IGSF5: variants seen among roughly 807,000 people sequenced by gnomAD.
IGSF5 encodes the protein immunoglobulin superfamily 5 like.
In IGSF5, 41 loss-of-function variants were observed where a neutral mutation model predicts 39.4. The observed-to-expected ratio is 1.04, with a 90% CI of 0.81 to 1.35. The LOEUF (loss-of-function observed/expected upper bound fraction) is 1.35, where lower values mean the gene tolerates loss of function less well. Ranked by LOEUF, IGSF5 falls within the 40% of genes most tolerant of loss-of-function variation. The probability of loss-of-function intolerance (pLI) is 0.00; values close to 1 mark genes in which losing one functional copy is unlikely to be tolerated. For missense variants in IGSF5, 487 were observed against 494.6 expected (o/e 0.98, Z 0.15); for synonymous variants, 183 against 175.3 (o/e 1.04, Z -0.34).
the IGSF5 span, among the ~76,000 whole-genome samples, chr21:39,734,066 C>T: frequency 6.6e-6 from 1 of 152,044 alleles, no homozygotes; most frequent in Non-Finnish European, 1.5e-5. Flanking sequence ...ACTATTCAAC[C>T]TAGTGGATGA....
rs930908426 is a variant in IGSF5 at position 39,764,313 on chromosome 21, T to G, written c.101-1222T>G. On this transcript the variant is annotated intron_variant, in intron 2 of 8. Coordinates refer to ENST00000380588, the MANE Select transcript of IGSF5 (RefSeq NM_001080444.2). ...CGGTGTGATTCCTCCCCAGAAACCT[T>G]TAGGGCTATAATGAGATTCTTTTAG... Among the ~76,000 whole-genome samples, 45 of 152,156 alleles carry G rather than the reference T, an allele frequency of 3.0e-4. 1 individual carries two copies. The highest frequency in any genetic ancestry group is 1.0e-3 in the African/African-American group (42 of 41,436).
Position 39,788,264 on chromosome 21 carries a change from G to A in IGSF5, c.956+76G>A, listed in dbSNP as rs752638386. 65 of 1,057,032 alleles carry A rather than the reference G, an allele frequency of 6.1e-5. 1 individual carries two copies. The Middle Eastern group carries it at 1.8e-3, about 30-fold the overall frequency. The allele number at this position is 1,057,032 out of a possible 1,614,324, so 65.5% of individuals were successfully genotyped here. ...ACAACAACAATAATAACAACAATAC[G>A]TACACACAACTGCGGGATTTTTGGA... On this transcript the variant is annotated intron_variant, in intron 6 of 8. Transcript: ENST00000380588.
chr21:39,734,364 A>T, the IGSF5 span, among the ~76,000 whole-genome samples: 3 of 144,242 alleles, frequency 2.1e-5, no homozygotes, highest in Non-Finnish European at 3.1e-5. Context: ...CGGAGGTTGT[A>T]GTGAGCCGAG....
chr21:39,730,777 G>C, the IGSF5 span: 2 of 152,116 alleles, frequency 1.3e-5, no homozygotes, highest in South Asian at 4.1e-4. Context: ...CTGTGCTTTG[G>C]GATTCATTTT....
chr21:39,723,528 G>A, the IGSF5 span, among the ~76,000 whole-genome samples: 2 of 152,174 alleles, frequency 1.3e-5, no homozygotes, highest in Non-Finnish European at 1.5e-5. Flanking sequence ...GATTACTGGA[G>A]GCAGGGATTA....
the IGSF5 span, among the ~76,000 whole-genome samples, chr21:39,719,392 T>C: frequency 1.3e-5 from 2 of 152,224 alleles, no homozygotes; most frequent in Non-Finnish European, 1.5e-5. Flanking sequence ...ATACATGATA[T>C]GTGCTCTCTG....
chr21:39,793,645 T>G (rs1357114250), intron 8 of IGSF5, 32 bp downstream of exon 8: 2 of 1,560,628 alleles, frequency 1.3e-6, no homozygotes, highest in East Asian at 4.5e-5. Flanking sequence ...CTTTTTGGAC[T>G]TTTTTGGCTA....
At chr21:39,737,397 A>G in the IGSF5 span, among the ~76,000 whole-genome samples, 1 of 152,116 alleles carries the variant, frequency 6.6e-6, no homozygotes, top group East Asian at 1.9e-4. Context: ...ACTTGGAGAC[A>G]GCTCAGATCC....
chr21:39,796,255 C>T (rs938053048), intron 8 of IGSF5, among the ~76,000 whole-genome samples: 1 of 152,156 alleles, frequency 6.6e-6, no homozygotes, highest in African/African-American at 2.4e-5. Flanking sequence ...AATAGTGAAG[C>T]TACAGCTTGT....
At chr21:39,727,383 G>C in the IGSF5 span, among the ~76,000 whole-genome samples, 1 of 152,142 alleles carries the variant, frequency 6.6e-6, no homozygotes, top group Non-Finnish European at 1.5e-5. Flanking sequence ...GCTCTCAATG[G>C]GGCTATGGTT....
chr21:39,798,290 C>T (rs116366986), intron 8 of IGSF5, among the ~76,000 whole-genome samples: 3,674 of 152,280 alleles, frequency 0.024, 152 homozygotes, highest in African/African-American at 0.084. Flanking sequence ...CTTCACCCTG[C>T]ACGATGGGTA....
At chr21:39,771,947 C>T (rs2080116736) in intron 4 of IGSF5, among the ~76,000 whole-genome samples, 1 of 152,204 alleles carries the variant, frequency 6.6e-6, no homozygotes, top group Non-Finnish European at 1.5e-5. Flanking sequence ...CCGGGTCACA[C>T]AGCCAAAGTG....
intron 6 of IGSF5, among the ~76,000 whole-genome samples, chr21:39,788,754 C>A (rs16998490): frequency 0.088 from 13,330 of 152,240 alleles, 627 homozygotes; most frequent in South Asian, 0.16. Flanking sequence ...CAAGGACTTA[C>A]AATAAGTAGC....
At chr21:39,755,424 A>C (rs2080024374) in intron 2 of IGSF5, among the ~76,000 whole-genome samples, 1 of 151,944 alleles carries the variant, frequency 6.6e-6, no homozygotes, top group South Asian at 2.1e-4. Context: ...GTCTCTACTG[A>C]AAATACAAAA....
rs2087028318 is a variant in IGSF5 at position 39,801,382 on chromosome 21, A to C, written c.*25A>C. On this transcript the variant is annotated 3_prime_UTR_variant, in exon 9 of 9. Coordinates refer to ENST00000380588, the MANE Select transcript of IGSF5 (RefSeq NM_001080444.2). ...GCAAAGCCTTCCCCAAGCTCCACTG[A>C]GCACTTGGCTGACAATTCAAAACAC... 2 of 1,540,804 alleles carry C rather than the reference A, an allele frequency of 1.3e-6. No homozygotes were observed. The highest frequency in any genetic ancestry group is 1.8e-6 in the Non-Finnish European group (2 of 1,113,956).
chr21:39,778,096 A>T (rs1601134929), intron 4 of IGSF5, among the ~76,000 whole-genome samples: 2 of 152,266 alleles, frequency 1.3e-5, no homozygotes, highest in South Asian at 4.2e-4. Context: ...GATCAACTTA[A>T]ATGTGTGTGG....
intron 5 of IGSF5, among the ~76,000 whole-genome samples, chr21:39,781,516 G>A (rs2080170542): frequency 6.6e-6 from 1 of 152,202 alleles, no homozygotes; most frequent in Non-Finnish European, 1.5e-5. Flanking sequence ...TAGGTCAAAA[G>A]CTACGTGTGT....
At chr21:39,752,953 G>A (rs1453795709) in intron 2 of IGSF5, among the ~76,000 whole-genome samples, 1 of 152,026 alleles carries the variant, frequency 6.6e-6, no homozygotes, top group Non-Finnish European at 1.5e-5. Flanking sequence ...TGTGGGTTGT[G>A]TGTTTACTCT....
intron 4 of IGSF5, among the ~76,000 whole-genome samples, chr21:39,774,901 T>A (rs969213634): frequency 1.3e-5 from 2 of 152,202 alleles, no homozygotes; most frequent in Non-Finnish European, 2.9e-5. Context: ...TTTGGGCAAG[T>A]CAGCAAACTT....
Sources: gnomAD v4.1 joint callset for allele counts (sites outside exome capture counted in the v4.1 genomes callset) on GRCh38, gnomAD v4.1.1 for gene constraint, MANE v1.5 for transcripts, NCBI Gene and HGNC (gene_info 2026-07-23, HGNC 2026-07-21) for gene names.